Variants in FRAS1 observed in about 807,000 individuals in gnomAD.
FRAS1 encodes the protein extracellular matrix organizing protein FRAS1.
Under a neutral mutation model 435.2 loss-of-function variants are expected in FRAS1, and 290 were observed. The observed-to-expected ratio is 0.67, with a 90% CI of 0.61 to 0.73. The LOEUF is 0.73. Among genes scored for constraint, FRAS1 ranks in the 30% least tolerant of loss-of-function variants. The pLI is 0.00. For missense variants in FRAS1, 4,860 were observed against 5,001.5 expected (o/e 0.97, Z 0.85); for synonymous variants, 1,800 against 1,851.0 (o/e 0.97, Z 0.71).
Position 78,363,938 on chromosome 4 carries a change from G to A in FRAS1, c.2606G>A (p.Gly869Asp). 1 of 1,613,352 alleles carries A rather than the reference G, an allele frequency of 6.2e-7. No homozygotes were observed. The highest frequency in any genetic ancestry group is 8.5e-7 in the Non-Finnish European group (1 of 1,179,682). ...KCHSSCRTCQ[G>D]RGPFSCSSCD... ...CACTCCTCCTGCAGAACCTGCCAGG[G>A]CAGAGGACCTTTCTCCTGCTCCTCA... Residue 869 changes from glycine to aspartate, a missense_variant, in exon 22 of 74, where the codon GGC (glycine) becomes GAC (aspartate). By Grantham distance (94) the Gly-to-Asp change is moderately conservative. Coordinates refer to ENST00000512123, the MANE Select transcript of FRAS1 (RefSeq NM_025074.7).
At chr4:78,453,960 G>A (rs1719104847) in intron 47 of FRAS1, among the ~76,000 whole-genome samples, 1 of 152,134 alleles carries the variant, frequency 6.6e-6, no homozygotes, top group Admixed American at 6.5e-5. Flanking sequence ...GGAAGTTCCT[G>A]CCCTGATTGT....
chr4:78,090,387 A>G (rs1182746679), intron 2 of FRAS1, among the ~76,000 whole-genome samples: 1 of 152,208 alleles, frequency 6.6e-6, no homozygotes. Context: ...CAAGACTATT[A>G]GGAAGGTAAA....
chr4:78,110,388 G>T (rs1428847619), intron 2 of FRAS1, among the ~76,000 whole-genome samples: 1 of 124,890 alleles, frequency 8.0e-6, no homozygotes, highest in East Asian at 2.1e-4. Context: ...GCATGGTACT[G>T]GTACCAAAAC....
At chr4:78,274,099 C>T (rs1034289849) in intron 9 of FRAS1, among the ~76,000 whole-genome samples, 8 of 152,180 alleles carry the variant, frequency 5.3e-5, no homozygotes, top group South Asian at 2.1e-4. Context: ...AGTTTATTTG[C>T]ATAGAGGTGT....
intron 70 of FRAS1, among the ~76,000 whole-genome samples, chr4:78,533,586 C>T (rs547762019): frequency 6.6e-5 from 10 of 152,334 alleles, no homozygotes; most frequent in African/African-American, 2.2e-4. Flanking sequence ...CTGGCTCATG[C>T]GTTGCATGAT....
chr4:78,389,290 G>T (rs547014046), intron 29 of FRAS1, among the ~76,000 whole-genome samples: 1 of 152,214 alleles, frequency 6.6e-6, no homozygotes, highest in African/African-American at 2.4e-5. Flanking sequence ...GCCTACTGAG[G>T]TGTCATTAAT....
At chr4:78,325,658 A>C (rs72657056) in intron 18 of FRAS1, among the ~76,000 whole-genome samples, 43,147 of 152,166 alleles carry the variant, frequency 0.28, 6,560 homozygotes, top group Non-Finnish European at 0.33. Context: ...GATGAAAAAA[A>C]TACAGGCCAT....
chr4:78,436,402 A>G (rs1193932724), intron 38 of FRAS1, among the ~76,000 whole-genome samples: 1 of 152,206 alleles, frequency 6.6e-6, no homozygotes, highest in Non-Finnish European at 1.5e-5. Context: ...CACTTTGGGA[A>G]GGAATTTGGC....
intron 54 of FRAS1, 145 bp from the exon 55 acceptor site, chr4:78,477,670 C>A: frequency 1.0e-6 from 1 of 966,062 alleles, no homozygotes; most frequent in Non-Finnish European, 1.5e-6. Context: ...GGTGATGCAG[C>A]AGGGAACCAG....
In FRAS1 at chr4:78,515,952, CTTA is replaced by C; in HGVS notation, c.10333_10335del (p.Tyr3445del). 6.2e-7 allele frequency: 1 copy of C among 1,613,978 alleles called. No homozygotes were observed. Among genetic ancestry groups the C allele is most frequent in the Non-Finnish European group, 8.5e-7 (1 of 1,179,886 alleles). On this transcript the variant is annotated inframe_deletion, in exon 66 of 74. Transcript: ENST00000512123. ...AAGAGCTGCGTGTGGACCTTTGATGCTTATTATGACATGACTGAGCTGATTGAC... is the reference window on the plus strand; with the variant it reads ...AAGAGCTGCGTGTGGACCTTTGATGCTTATGACATGACTGAGCTGATTGAC...
intron 1 of FRAS1, among the ~76,000 whole-genome samples, chr4:78,060,934 C>A (rs1739735636): frequency 6.6e-6 from 1 of 152,060 alleles, no homozygotes; most frequent in Non-Finnish European, 1.5e-5. Context: ...GCTGCCTCTG[C>A]CCCCTGGCCT....
intron 2 of FRAS1, among the ~76,000 whole-genome samples, chr4:78,079,235 AT>A (rs767908620): frequency 5.3e-5 from 8 of 151,884 alleles, no homozygotes; most frequent in Middle Eastern, 3.4e-3. Context: ...GAAAAACCCC[AT>A]TTTTTTGTCA....
intron 2 of FRAS1, among the ~76,000 whole-genome samples, chr4:78,125,201 T>C (rs1204413075): frequency 1.3e-5 from 2 of 152,232 alleles, no homozygotes; most frequent in Non-Finnish European, 2.9e-5. Context: ...TTTGTTCTCA[T>C]TGGTTTCAAA....
chr4:78,450,069 C>A, intron 44 of FRAS1, 82 bp from the exon 45 acceptor site: 1 of 1,039,560 alleles, frequency 9.6e-7, no homozygotes, highest in Non-Finnish European at 1.4e-6. Context: ...GATAATTTAG[C>A]CTCCAGTCTC....
Position 78,302,693 on chromosome 4 carries a change from G to C in FRAS1, c.1535-5373G>C, listed in dbSNP as rs1252987343. 6.0e-5 allele frequency among the ~76,000 whole-genome samples: 9 copies of C among 151,232 alleles called. 1 individual carries two copies. The highest frequency in any genetic ancestry group is 2.2e-4 in the African/African-American group (9 of 41,256). On this transcript the variant is annotated intron_variant, in intron 14 of 73. Transcript: ENST00000512123. Reference sequence around the variant, plus strand: ...TGTTCATGTCCTTCACCCACTTTTTGATGGGGTTGTTTGTTTTTTTTTCTT... The same window carrying C: ...TGTTCATGTCCTTCACCCACTTTTTCATGGGGTTGTTTGTTTTTTTTTCTT...
intron 40 of FRAS1, among the ~76,000 whole-genome samples, 194 bp from the exon 41 acceptor site, chr4:78,440,968 C>T (rs1425857546): frequency 2.0e-5 from 3 of 152,168 alleles, no homozygotes; most frequent in Non-Finnish European, 4.4e-5. Context: ...CTGACTGTAG[C>T]TTTGAGAGGC....
Position 78,237,567 on chromosome 4 carries a change from G to T in FRAS1, c.166G>T (p.Val56Phe). The change falls in exon 3 of 74, where the codon GTT becomes TTT. Residue 56 changes from valine (V) to phenylalanine (F), a missense_variant. By Grantham distance (50) the Val-to-Phe change is conservative (BLOSUM62 -1). Transcript: ENST00000512123. ...GAGCTGCCGTTGCCATGGTGATATT[G>T]TTATCTGCAAACCTGCTGTTTGCAG... is the stretch of plus-strand genomic sequence containing the variant. Reference protein sequence around the residue: ...CQSCRCHGDIVICKPAVCRNP... With the variant: ...CQSCRCHGDIFICKPAVCRNP... 6.2e-7 allele frequency: 1 copy of T among 1,613,102 alleles called. No homozygotes were observed. Among genetic ancestry groups the T allele is most frequent in the Non-Finnish European group, 8.5e-7 (1 of 1,179,478 alleles).
rs768084692 is a variant in FRAS1 at position 78,400,328 on chromosome 4, G to A, written c.3976-406G>A. Among the ~76,000 whole-genome samples, 29 of 152,142 alleles carry A rather than the reference G, an allele frequency of 1.9e-4. 1 individual carries two copies. The highest frequency in any genetic ancestry group is 3.3e-4 in the Admixed American group (5 of 15,272). On this transcript the variant is annotated intron_variant, in intron 29 of 73. Coordinates refer to ENST00000512123, the MANE Select transcript of FRAS1 (RefSeq NM_025074.7). ...CTCCCACTAGACTGTAAGTTCTGAC[G>A]TTAAGGTTTTGCTTCAGACATCTTG... is the stretch of plus-strand genomic sequence containing the variant.
At chr4:78,087,389 A>G (rs1301701105) in intron 2 of FRAS1, among the ~76,000 whole-genome samples, 23 of 151,972 alleles carry the variant, frequency 1.5e-4, no homozygotes, top group Admixed American at 1.4e-3. Context: ...CTCTCTCACC[A>G]CTCCTATTCA....
Sources: gnomAD v4.1 joint callset for allele counts (sites outside exome capture counted in the v4.1 genomes callset) on GRCh38, gnomAD v4.1.1 for gene constraint, MANE v1.5 for transcripts, NCBI Gene and HGNC (gene_info 2026-07-23, HGNC 2026-07-21) for gene names.